Variants in CHLSN observed in about 807,000 individuals in gnomAD.
CHLSN encodes the protein cholesin.
the CHLSN span, among the ~76,000 whole-genome samples, chr7:990,210 G>A: frequency 2.5e-5 from 1 of 40,410 alleles, no homozygotes; most frequent in Non-Finnish European, 4.5e-5. Context: ...TGACAGTGGC[G>A]CGTGTGCTGG....
chr7:981,413 T>C, the CHLSN span, among the ~76,000 whole-genome samples: 1 of 151,780 alleles, frequency 6.6e-6, no homozygotes, highest in Non-Finnish European at 1.5e-5. Context: ...CAGGAGGAGT[T>C]GAAGACCAGC....
chr7:1,125,837 G>A, the CHLSN span, among the ~76,000 whole-genome samples: 1 of 152,212 alleles, frequency 6.6e-6, no homozygotes, highest in Non-Finnish European at 1.5e-5. Flanking sequence ...TGTGACGCGC[G>A]CGTCGTCAGA....
At chr7:1,075,034 G>A in the CHLSN span, among the ~76,000 whole-genome samples, 5 of 152,212 alleles carry the variant, frequency 3.3e-5, no homozygotes, top group South Asian at 4.1e-4. Context: ...ATGGGAGGGC[G>A]CAGAATGGAC....
At chr7:1,006,108 C>T in the CHLSN span, among the ~76,000 whole-genome samples, 3 of 152,380 alleles carry the variant, frequency 2.0e-5, no homozygotes, top group East Asian at 1.9e-4. Flanking sequence ...CCGTGTGCCT[C>T]GCTCGTGTAA....
chr7:1,057,201 C>A, the CHLSN span, among the ~76,000 whole-genome samples: 1 of 152,200 alleles, frequency 6.6e-6, no homozygotes, highest in African/African-American at 2.4e-5. Flanking sequence ...CCAGGCCTCG[C>A]AGCAGCCCGT....
the CHLSN span, chr7:988,640 C>A: frequency 4.4e-6 from 7 of 1,602,632 alleles, no homozygotes; most frequent in East Asian, 1.6e-4. Flanking sequence ...CGCAGGCCGC[C>A]GCGTCTGTGT....
At chr7:1,012,591 C>T in the CHLSN span, among the ~76,000 whole-genome samples, 1 of 152,238 alleles carries the variant, frequency 6.6e-6, no homozygotes, top group Non-Finnish European at 1.5e-5. Context: ...CCCGTGTCCC[C>T]GAGGGAGCCA....
the CHLSN span, among the ~76,000 whole-genome samples, chr7:1,085,014 G>A: frequency 6.6e-6 from 1 of 152,202 alleles, no homozygotes; most frequent in East Asian, 1.9e-4. Flanking sequence ...CCTGTGTCTG[G>A]GGCCTCTCAG....
chr7:1,075,254 C>A, the CHLSN span, among the ~76,000 whole-genome samples: 1 of 152,186 alleles, frequency 6.6e-6, no homozygotes, highest in African/African-American at 2.4e-5. Context: ...TGGCTCACGC[C>A]TGTAATCTCA....
chr7:1,000,941 A>T, the CHLSN span, among the ~76,000 whole-genome samples: 1 of 152,188 alleles, frequency 6.6e-6, no homozygotes, highest in African/African-American at 2.4e-5. Context: ...TGAAAATGGG[A>T]AGACTGTAAG....
the CHLSN span, among the ~76,000 whole-genome samples, chr7:1,124,735 TA>T: frequency 3.2e-5 from 4 of 124,426 alleles, no homozygotes; most frequent in African/African-American, 1.4e-4. Flanking sequence ...AAAAAAATTT[TA>T]AAAAAGCACA....
the CHLSN span, among the ~76,000 whole-genome samples, chr7:1,078,832 T>C: frequency 6.6e-6 from 1 of 152,232 alleles, no homozygotes; most frequent in Non-Finnish European, 1.5e-5. Context: ...AAGCAGAGCC[T>C]GCGGCTCACC....
the CHLSN span, among the ~76,000 whole-genome samples, chr7:996,503 G>T: frequency 6.6e-6 from 1 of 152,188 alleles, no homozygotes; most frequent in Non-Finnish European, 1.5e-5. Context: ...GCAGGAGGCG[G>T]CCCCGGGGCA....
the CHLSN span, among the ~76,000 whole-genome samples, chr7:1,134,597 G>C: frequency 2.1e-5 from 3 of 145,778 alleles, no homozygotes; most frequent in Admixed American, 1.4e-4. Context: ...GGCCGGGTGC[G>C]GTGGCTCACG....
chr7:1,053,107 G>T, the CHLSN span, among the ~76,000 whole-genome samples: 1 of 152,232 alleles, frequency 6.6e-6, no homozygotes, highest in African/African-American at 2.4e-5. Flanking sequence ...TCCAGTTCCA[G>T]GATGCCCTGC....
At chr7:1,073,049 G>A in the CHLSN span, among the ~76,000 whole-genome samples, 1 of 152,180 alleles carries the variant, frequency 6.6e-6, no homozygotes, top group Non-Finnish European at 1.5e-5. Flanking sequence ...TTGGCATAAA[G>A]TTGTTACAAC....
At chr7:985,130 G>A in the CHLSN span, 151 of 1,604,054 alleles carry the variant, frequency 9.4e-5, 1 homozygote, top group South Asian at 1.1e-3. Context: ...GCCCCTCCCC[G>A]GGCCTGGACG....
the CHLSN span, among the ~76,000 whole-genome samples, chr7:1,032,909 G>A: frequency 1.3e-5 from 2 of 152,180 alleles, no homozygotes; most frequent in Non-Finnish European, 2.9e-5. Context: ...AATCCTGCAC[G>A]CTCCTCACTA....
At chr7:1,089,944 C>T in the CHLSN span, among the ~76,000 whole-genome samples, 4 of 151,744 alleles carry the variant, frequency 2.6e-5, no homozygotes, top group Admixed American at 2.0e-4. Flanking sequence ...ATTAGCCAGG[C>T]GTGGTGGTGC....
Sources: allele counts gnomAD v4.1 joint callset (sites outside exome capture counted in the v4.1 genomes callset), GRCh38; gene constraint gnomAD v4.1.1; transcripts MANE v1.5; gene names NCBI Gene and HGNC (gene_info 2026-07-23, HGNC 2026-07-21).